Variants in ADGRB3 observed in about 807,000 individuals in gnomAD.
The protein encoded by ADGRB3 is brain-specific angiogenesis inhibitor 3.
A neutral mutation model predicts 193.4 loss-of-function variants in ADGRB3; 37 were observed. That is an observed-to-expected ratio of 0.19 (90% CI 0.15 to 0.25). The LOEUF (loss-of-function observed/expected upper bound fraction) is 0.25. Among genes scored for constraint, ADGRB3 ranks in the 10% least tolerant of loss-of-function variants. The pLI, the probability that ADGRB3 is intolerant of heterozygous loss-of-function variation, is 1.00. For missense variants in ADGRB3, 1,637 were observed against 1,852.9 expected, an observed-to-expected ratio of 0.88 and a Z score of 2.14; for synonymous variants, 690 against 644.2, an observed-to-expected ratio of 1.07 and a Z score of -1.08.
chr6:69,359,336 G>A (rs1409619619), intron 28 of ADGRB3, among the ~76,000 whole-genome samples: 1 of 150,716 alleles, frequency 6.6e-6, no homozygotes, highest in African/African-American at 2.4e-5. Context: ...ACTCATTATT[G>A]ATCTATTATA....
chr6:69,049,766 T>A lies in ADGRB3; in HGVS notation c.2333+420T>A, dbSNP rs1771340513. ...ACTGGGAAAACATGGTATTGTTTAT[T>A]TGCACAAGATCTTAGTTTGCTTTGA... is the stretch of plus-strand genomic sequence containing the variant. On this transcript the variant is annotated intron_variant, in intron 15 of 31. Coordinates refer to ENST00000370598, the MANE Select transcript of ADGRB3 (RefSeq NM_001704.3). Among the ~76,000 whole-genome samples, 2 of 152,178 alleles carry A rather than the reference T, an allele frequency of 1.3e-5. 1 individual carries two copies. Among genetic ancestry groups the A allele is most frequent in the South Asian group, 4.1e-4 (2 of 4,832 alleles).
At chr6:69,000,684 C>T (rs919393933) in intron 11 of ADGRB3, among the ~76,000 whole-genome samples, 8 of 152,186 alleles carry the variant, frequency 5.3e-5, no homozygotes. Flanking sequence ...AAAGGCAGAA[C>T]ATCATCATGT....
At chr6:68,836,368 T>C (rs139640957) in intron 3 of ADGRB3, among the ~76,000 whole-genome samples, 2 of 152,238 alleles carry the variant, frequency 1.3e-5, no homozygotes, top group African/African-American at 4.8e-5. Flanking sequence ...CTGCTTTCCG[T>C]AATCTGTTTT....
At chr6:68,735,550 C>T (rs1466389368) in intron 3 of ADGRB3, among the ~76,000 whole-genome samples, 6 of 151,938 alleles carry the variant, frequency 3.9e-5, no homozygotes, top group Non-Finnish European at 8.8e-5. Context: ...TAGTTGTGCT[C>T]ATATATTGAT....
At chr6:68,916,681 A>G (rs933116269) in intron 3 of ADGRB3, among the ~76,000 whole-genome samples, 4 of 152,200 alleles carry the variant, frequency 2.6e-5, no homozygotes, top group Admixed American at 6.5e-5. Flanking sequence ...TTTAGGTTAG[A>G]TAAGAATGAC....
At position 69,338,924 on chromosome 6, in the gene ADGRB3, G is replaced by A; in HGVS notation, c.3197G>A (p.Ser1066Asn). 6.2e-7 allele frequency: 1 copy of A among 1,613,546 alleles called. No individual in the cohort carries two copies. The highest frequency in any genetic ancestry group is 8.5e-7 in the Non-Finnish European group (1 of 1,179,696). ...KKLKHRAGQMSEPHSGLTLKC... is the reference protein window; with the variant it reads ...KKLKHRAGQMNEPHSGLTLKC... ...GTTCTGTTTGTTTGCAGTCAGATGA[G>A]TGAGCCTCATAGCGGTTTGACGCTC... The change falls in exon 25 of 32, where the codon AGT (serine) becomes AAT (asparagine). Residue 1066 changes from serine (S) to asparagine (N), a missense_variant. By Grantham distance (46) the Ser-to-Asn change is conservative. Coordinates refer to ENST00000370598, the MANE Select transcript of ADGRB3 (RefSeq NM_001704.3).
Position 69,119,943 on chromosome 6 carries a change from A to G in ADGRB3, c.2480+43905A>G, listed in dbSNP as rs753881434. The stretch of plus-strand genomic sequence containing the variant: ...AAGCAGAGAGGCCAGACAGGAGTCT[A>G]TTTCAGTGAGCCAGATGAGAGATGA... On this transcript the variant is annotated intron_variant, in intron 17 of 31. Transcript: ENST00000370598. 1.3e-4 allele frequency among the ~76,000 whole-genome samples: 20 copies of G among 152,260 alleles called. No individual in the cohort carries two copies. The East Asian group carries it at 2.3e-3, about 18-fold the overall frequency.
At chr6:68,780,610 T>A (rs1221834907) in intron 3 of ADGRB3, among the ~76,000 whole-genome samples, 1 of 152,142 alleles carries the variant, frequency 6.6e-6, no homozygotes, top group Non-Finnish European at 1.5e-5. Context: ...CAGTTTCACG[T>A]AGACAGTCCT....
intron 17 of ADGRB3, among the ~76,000 whole-genome samples, chr6:69,129,181 G>A (rs1773935155): frequency 6.6e-6 from 1 of 152,094 alleles, no homozygotes; most frequent in Non-Finnish European, 1.5e-5. Flanking sequence ...TTGAAATGCA[G>A]AAGCCAAGTA....
intron 3 of ADGRB3, among the ~76,000 whole-genome samples, chr6:68,707,473 A>C (rs1442448145): frequency 6.6e-6 from 1 of 152,174 alleles, no homozygotes; most frequent in Non-Finnish European, 1.5e-5. Flanking sequence ...GCCATTTATT[A>C]GTATAAAATT....
chr6:69,078,555 G>A (rs190759037), intron 17 of ADGRB3, among the ~76,000 whole-genome samples: 157 of 151,780 alleles, frequency 1.0e-3, no homozygotes, highest in African/African-American at 3.5e-3. Flanking sequence ...TTCATTCCTC[G>A]TATCTGCTGC....
chr6:68,706,223 A>T (rs567161767), intron 3 of ADGRB3, among the ~76,000 whole-genome samples: 1 of 152,172 alleles, frequency 6.6e-6, no homozygotes, highest in South Asian at 2.1e-4. Context: ...AAAGAGAAGA[A>T]GGAACATTAT....
At chr6:68,754,036 T>C (rs1766253981) in intron 3 of ADGRB3, among the ~76,000 whole-genome samples, 1 of 152,146 alleles carries the variant, frequency 6.6e-6, no homozygotes, top group Non-Finnish European at 1.5e-5. Flanking sequence ...GTGAGTTCTG[T>C]AAAAGAGCGG....
chr6:68,981,593 T>C (rs549025858), intron 10 of ADGRB3, among the ~76,000 whole-genome samples: 3 of 151,726 alleles, frequency 2.0e-5, no homozygotes, highest in African/African-American at 4.8e-5. Context: ...GTAAATACTT[T>C]AGACTTTACA....
intron 3 of ADGRB3, among the ~76,000 whole-genome samples, chr6:68,685,884 C>T (rs980250280): frequency 4.6e-5 from 7 of 152,182 alleles, no homozygotes; most frequent in Non-Finnish European, 7.3e-5. Context: ...CAGAGCGAGA[C>T]TCTGTCTCAA....
At chr6:69,095,905 T>C (rs1772862681) in intron 17 of ADGRB3, among the ~76,000 whole-genome samples, 1 of 152,194 alleles carries the variant, frequency 6.6e-6, no homozygotes, top group African/African-American at 2.4e-5. Flanking sequence ...ATTATCACAC[T>C]GGTTTTAACA....
intron 17 of ADGRB3, among the ~76,000 whole-genome samples, chr6:69,152,172 G>A (rs1376936497): frequency 6.6e-6 from 1 of 152,114 alleles, no homozygotes; most frequent in African/African-American, 2.4e-5. Flanking sequence ...TTCTTTTTGG[G>A]TGAAGCAAGA....
At chr6:69,154,518 C>T (rs1338705856) in intron 17 of ADGRB3, among the ~76,000 whole-genome samples, 1 of 152,174 alleles carries the variant, frequency 6.6e-6, no homozygotes, top group African/African-American at 2.4e-5. Context: ...TTGCACCTTC[C>T]TCTTTTTTGT....
intron 17 of ADGRB3, among the ~76,000 whole-genome samples, chr6:69,115,215 A>G (rs1322177953): frequency 2.6e-5 from 4 of 152,226 alleles, no homozygotes; most frequent in Non-Finnish European, 4.4e-5. Context: ...TCAATGACAG[A>G]CTGGACAAAG....
Sources: allele counts gnomAD v4.1 joint callset (sites outside exome capture counted in the v4.1 genomes callset), GRCh38; gene constraint gnomAD v4.1.1; transcripts MANE v1.5; gene names NCBI Gene and HGNC (gene_info 2026-07-23, HGNC 2026-07-21).